RB1: variants seen among roughly 807,000 people sequenced by gnomAD.
The protein encoded by RB1 is RB transcriptional corepressor 1.
RB1 carries 18 observed loss-of-function variants against 135.4 expected under a neutral mutation model. The observed-to-expected ratio is 0.13, with a 90% CI of 0.09 to 0.20. The LOEUF (loss-of-function observed/expected upper bound fraction) is 0.20, where lower values mean the gene tolerates loss of function less well. RB1 is among the 10% of genes least tolerant of loss of function. The pLI is 1.00. For synonymous variants in RB1, 365 were observed against 373.2 expected (o/e 0.98, Z 0.25); for missense variants, 868 against 1,110.0 (o/e 0.78, Z 3.10).
intron 17 of RB1, chr13:48,408,701 C>A (rs1359884080): frequency 6.6e-6 from 1 of 151,974 alleles, no homozygotes; most frequent in Non-Finnish European, 1.5e-5. Flanking sequence ...ATGAGAAAAC[C>A]ATGTTTGTTA....
At chr13:48,324,431 ATTTTTTTTTTTTTTTAAGCTCTTG>A (rs1233193348) in intron 2 of RB1, among the ~76,000 whole-genome samples, 4 of 74,718 alleles carry the variant, frequency 5.4e-5, no homozygotes, top group African/African-American at 1.8e-4. Flanking sequence ...TGAGTTCAAT[ATTTTTTTTTTTTTTTAAGCTCTTG>A]CTTGTAAGTG....
rs138574644 is a variant in RB1 at position 48,307,315 on chromosome 13, C to T, written c.173C>T (p.Thr58Ile). The T allele has an allele frequency of 7.5e-6, 12 of 1,609,780 alleles. No individual in the cohort carries two copies. In the East Asian group the frequency reaches 2.2e-4, roughly 30 times the overall value. ...GAAGAAACAGAAGAACCTGATTTTACTGCATTATGTCAGAAATTAAAGATA... is the reference window on the plus strand; with the variant it reads ...GAAGAAACAGAAGAACCTGATTTTATTGCATTATGTCAGAAATTAAAGATA... Reference protein sequence around the residue: ...EFEETEEPDFTALCQKLKIPD... With the variant: ...EFEETEEPDFIALCQKLKIPD... Residue 58 changes from threonine (T) to isoleucine (I), a missense_variant, in exon 2 of 27, where the codon ACT becomes ATT. By Grantham distance (89) the Thr-to-Ile change is moderately conservative. This residue lies in a region of RB1 where 641 missense variants were observed against 791.3 expected (regional missense o/e 0.81). Coordinates refer to ENST00000267163, the MANE Select transcript of RB1 (RefSeq NM_000321.3).
intron 19 of RB1, 38 bp from the exon 20 acceptor site, chr13:48,459,650 T>C (rs1200526440): frequency 6.2e-7 from 1 of 1,610,078 alleles, no homozygotes; most frequent in East Asian, 2.2e-5. Context: ...TAATTCAAAA[T>C]GAACAGTAAA....
intron 2 of RB1, chr13:48,317,065 T>G: frequency 1.3e-6 from 1 of 755,580 alleles, no homozygotes; most frequent in African/African-American, 1.8e-5. Flanking sequence ...GTCTGTGCCT[T>G]GCTGCTTGGC....
intron 2 of RB1, among the ~76,000 whole-genome samples, chr13:48,312,356 C>T (rs1400629392): frequency 6.6e-6 from 1 of 152,064 alleles, no homozygotes; most frequent in Non-Finnish European, 1.5e-5. Flanking sequence ...TTATTTATAT[C>T]TTTTCTCTCA....
Position 48,411,457 on chromosome 13 carries a change from C to T in RB1, c.1695+30014C>T, listed in dbSNP as rs767102500. The stretch of plus-strand genomic sequence containing the variant: ...TGTAGGTTATGCTGAATAAAATTCT[C>T]TGCACCATGAACTTCAGAGAATCTG... On this transcript the variant is annotated intron_variant, in intron 17 of 26. Transcript: ENST00000267163. The T allele has an allele frequency of 1.5e-5, 24 of 1,613,262 alleles. No homozygotes were observed. In the Admixed American group the frequency reaches 4.0e-4, roughly 27 times the overall value.
intron 2 of RB1, among the ~76,000 whole-genome samples, chr13:48,309,766 C>T (rs1016766624): frequency 6.6e-6 from 1 of 152,152 alleles, no homozygotes; most frequent in Non-Finnish European, 1.5e-5. Context: ...GTTAGGTTTC[C>T]AGCCTGGTTC....
At chr13:48,430,246 TTCAAA>T (rs1340815884) in intron 17 of RB1, among the ~76,000 whole-genome samples, 1 of 152,166 alleles carries the variant, frequency 6.6e-6, no homozygotes, top group Non-Finnish European at 1.5e-5. Flanking sequence ...ATTTATCCAC[TTCAAA>T]TCAGTGGAGA....
rs1249069450 is a variant in RB1 at position 48,456,311 on chromosome 13, C to A, written c.1922C>A (p.Pro641Gln). ...QATSAFQTQK[P>Q]LKSTSLSLFY... is the part of the protein sequence containing the mutation. Reference sequence around the variant, plus strand: ...ACCTCAGCCTTCCAGACCCAGAAGCCATTGAAATCTACCTCTCTTTCACTG... The same window carrying A: ...ACCTCAGCCTTCCAGACCCAGAAGCAATTGAAATCTACCTCTCTTTCACTG... The change falls in exon 19 of 27, where the codon CCA becomes CAA. Residue 641 changes from proline (P) to glutamine (Q), a missense_variant. Transcript: ENST00000267163. 3.1e-6 allele frequency: 5 copies of A among 1,614,066 alleles called. No individual in the cohort carries two copies. The African/African-American group carries it at 5.3e-5, about 17-fold the overall frequency.
intron 10 of RB1, among the ~76,000 whole-genome samples, chr13:48,367,814 A>T (rs1952718952): frequency 1.3e-5 from 2 of 152,182 alleles, no homozygotes; most frequent in Non-Finnish European, 2.9e-5. Context: ...GTCCTATAAC[A>T]GTTACCTTTT....
intron 2 of RB1, among the ~76,000 whole-genome samples, chr13:48,311,312 G>T (rs1291990659): frequency 6.6e-6 from 1 of 152,144 alleles, no homozygotes. Flanking sequence ...TGATATGGTG[G>T]TTATATTTTA....
chr13:48,456,913 G>C (rs1369228492), intron 19 of RB1, among the ~76,000 whole-genome samples: 1 of 152,244 alleles, frequency 6.6e-6, no homozygotes, highest in Non-Finnish European at 1.5e-5. Flanking sequence ...GGGCCCCAAA[G>C]AGGGAGTCAC....
At chr13:48,460,295 A>T (rs4151596) in intron 20 of RB1, among the ~76,000 whole-genome samples, 1 of 152,104 alleles carries the variant, frequency 6.6e-6, no homozygotes, top group Non-Finnish European at 1.5e-5. Context: ...TAAAGAAAAT[A>T]TTAGATTCAA....
chr13:48,479,906 T>C, intron 26 of RB1, 92 bp from the exon 27 acceptor site: 1 of 954,858 alleles, frequency 1.0e-6, no homozygotes, highest in Non-Finnish European at 1.7e-6. Flanking sequence ...CTGAGCGCCA[T>C]CAGTTTGACA....
At chr13:48,378,276 C>T (rs1952847259) in intron 13 of RB1, among the ~76,000 whole-genome samples, 2 of 152,152 alleles carry the variant, frequency 1.3e-5, no homozygotes, top group Admixed American at 1.3e-4. Flanking sequence ...TAGCTTAAAA[C>T]ACAAACACCT....
chr13:48,308,749 A>AAAATGTG (rs1236142061), intron 2 of RB1, among the ~76,000 whole-genome samples: 1 of 152,168 alleles, frequency 6.6e-6, no homozygotes, highest in Non-Finnish European at 1.5e-5. Context: ...TTTTATGTGT[A>AAAATGTG]AAATGTGAAA....
At chr13:48,326,331 C>T (rs919695967) in intron 2 of RB1, among the ~76,000 whole-genome samples, 2 of 151,770 alleles carry the variant, frequency 1.3e-5, no homozygotes, top group African/African-American at 4.8e-5. Context: ...TCTTTACCCA[C>T]TTATTTTGGA....
At chr13:48,437,600 G>A (rs1482134867) in intron 17 of RB1, among the ~76,000 whole-genome samples, 1 of 152,156 alleles carries the variant, frequency 6.6e-6, no homozygotes, top group Non-Finnish European at 1.5e-5. Flanking sequence ...GTGGTTGTTG[G>A]CAGGCCTCAG....
At position 48,364,982 on chromosome 13, in the gene RB1, A is replaced by G; in HGVS notation, c.939+11A>G. On this transcript the variant is annotated intron_variant, in intron 9 of 26. Transcript: ENST00000267163. ...AATGGACTTCCAGAGGTAATCTGAA[A>G]GGAAATTTAATAAAATATTAATGTT... 1.3e-6 allele frequency: 2 copies of G among 1,562,678 alleles called. No individual in the cohort carries two copies. Among genetic ancestry groups the G allele is most frequent in the Non-Finnish European group, 1.7e-6 (2 of 1,150,022 alleles).
Sources: gnomAD v4.1 joint callset for allele counts (sites outside exome capture counted in the v4.1 genomes callset) on GRCh38, gnomAD v4.1.1 for gene constraint, gnomAD v4.1.1 regional missense constraint, MANE v1.5 for transcripts, NCBI Gene and HGNC (gene_info 2026-07-23, HGNC 2026-07-21) for gene names.